Variants in FAM110B observed in about 807,000 individuals in gnomAD.
FAM110B encodes the protein protein FAM110B.
In FAM110B, 6 loss-of-function variants were observed where a neutral mutation model predicts 20.4. The ratio of observed to expected loss-of-function variants is 0.29; its 90% CI spans 0.16 to 0.58. The LOEUF is 0.58. FAM110B is among the 20% of genes least tolerant of loss of function. The pLI is 0.90. For synonymous variants in FAM110B, 226 were observed against 214.1 expected, an observed-to-expected ratio of 1.06 and a Z score of -0.49; for missense variants, 434 against 498.2, an observed-to-expected ratio of 0.87 and a Z score of 1.23.
At chr8:58,078,764 A>T (rs1806105459) in intron 3 of FAM110B, among the ~76,000 whole-genome samples, 1 of 151,704 alleles carries the variant, frequency 6.6e-6, no homozygotes, top group African/African-American at 2.4e-5. Context: ...GTTAGCCAGG[A>T]TGGTCTGGAT....
At chr8:58,025,379 A>G (rs1429267226) in intron 1 of FAM110B, among the ~76,000 whole-genome samples, 3 of 152,142 alleles carry the variant, frequency 2.0e-5, no homozygotes, top group African/African-American at 2.4e-5. Context: ...GTGGGAAGGC[A>G]AGAAGAAGCA....
rs971599123 is a variant in FAM110B, at chr8:58,107,587, C to A, written c.-325+31964C>A. Among the ~76,000 whole-genome samples, 41 of 152,170 alleles carry A rather than the reference C, an allele frequency of 2.7e-4. 1 individual carries two copies. ...ATAATTGAAACTGTCTTGTGTCATT[C>A]AACCCTGTAATAAGTACCTATAGTT... On this transcript the variant is annotated intron_variant, in intron 3 of 3. Coordinates refer to ENST00000519262, the MANE Select transcript of FAM110B (RefSeq NM_001377989.1).
chr8:58,067,235 G>T (rs1805790782), intron 2 of FAM110B, among the ~76,000 whole-genome samples: 1 of 152,196 alleles, frequency 6.6e-6, no homozygotes, highest in Non-Finnish European at 1.5e-5. Flanking sequence ...GGAAATCCAT[G>T]CAATGAGGCA....
intron 2 of FAM110B, among the ~76,000 whole-genome samples, chr8:58,042,610 C>T (rs1271978473): frequency 6.6e-6 from 1 of 152,162 alleles, no homozygotes; most frequent in African/African-American, 2.4e-5. Flanking sequence ...AATGTGTGCA[C>T]CATCATGTGC....
At chr8:58,041,736 G>A (rs1272335583) in intron 2 of FAM110B, among the ~76,000 whole-genome samples, 3 of 152,160 alleles carry the variant, frequency 2.0e-5, no homozygotes, top group Admixed American at 2.0e-4. Flanking sequence ...GGAAGAATAG[G>A]GGTCATCAGC....
chr8:58,000,237 T>C (rs936261459), intron 1 of FAM110B, among the ~76,000 whole-genome samples: 5 of 151,638 alleles, frequency 3.3e-5, no homozygotes, highest in Non-Finnish European at 5.9e-5. Flanking sequence ...CACAGCGGAG[T>C]TGGGGTTGGG....
rs138355228 is a variant in FAM110B at position 58,123,918 on chromosome 8, G to A, written c.-324-21989G>A. Among the ~76,000 whole-genome samples the A allele has an allele frequency of 1.2e-4, 19 of 152,304 alleles. No individual in the cohort carries two copies. In the East Asian group the frequency reaches 2.5e-3, roughly 20 times the overall value. On this transcript the variant is annotated intron_variant, in intron 3 of 3. Coordinates refer to ENST00000519262, the MANE Select transcript of FAM110B (RefSeq NM_001377989.1). The stretch of plus-strand genomic sequence containing the variant: ...GTGTTTGTGACAGGGATTTGATTTT[G>A]TTCTATTTATATAGAATATGTGTTT...
chr8:58,082,091 A>G (rs1253327243), intron 3 of FAM110B, among the ~76,000 whole-genome samples: 2 of 152,216 alleles, frequency 1.3e-5, no homozygotes, highest in Non-Finnish European at 2.9e-5. Context: ...CACATGGGCT[A>G]GGGTTGAAAT....
chr8:58,044,684 G>A (rs1004928291), intron 2 of FAM110B, among the ~76,000 whole-genome samples: 2 of 152,034 alleles, frequency 1.3e-5, no homozygotes, highest in Admixed American at 6.5e-5. Context: ...AATAGAATCA[G>A]AAAATAAAAA....
At chr8:58,133,205 G>GTTTTTT (rs59489059) in intron 3 of FAM110B, among the ~76,000 whole-genome samples, 7 of 140,152 alleles carry the variant, frequency 5.0e-5, no homozygotes, top group Non-Finnish European at 6.3e-5. Flanking sequence ...GCTCGATTTT[G>GTTTTTT]TTTTTTTTTT....
intron 3 of FAM110B, among the ~76,000 whole-genome samples, chr8:58,125,483 G>A (rs1003776698): frequency 6.6e-6 from 1 of 152,008 alleles, no homozygotes; most frequent in Non-Finnish European, 1.5e-5. Flanking sequence ...GTGCTTTATT[G>A]CCTTCAGTAC....
chr8:58,060,556 C>T (rs1268012557), intron 2 of FAM110B, among the ~76,000 whole-genome samples: 1 of 152,108 alleles, frequency 6.6e-6, no homozygotes, highest in Non-Finnish European at 1.5e-5. Flanking sequence ...TATTATTTTT[C>T]TTGGTTGCCA....
At chr8:58,019,397 AAG>A (rs1361118637) in intron 1 of FAM110B, among the ~76,000 whole-genome samples, 2 of 151,500 alleles carry the variant, frequency 1.3e-5, no homozygotes, top group African/African-American at 4.8e-5. Context: ...AGAAAGAAAA[AAG>A]AAAAAATATT....
rs553236164 is a variant in FAM110B, at chr8:58,043,915, G to C, written c.-414+12212G>C. 1.1e-4 allele frequency among the ~76,000 whole-genome samples: 16 copies of C among 152,312 alleles called. No homozygotes were observed. The South Asian group carries it at 2.5e-3, about 24-fold the overall frequency. ...TGAAGCAGGTACTTGCATCCAATCA[G>C]ACTGATTCTAGAATTCCCTTCTCTT... On this transcript the variant is annotated intron_variant, in intron 2 of 3. Transcript: ENST00000519262.
chr8:58,128,760 T>C (rs1240507037), intron 3 of FAM110B, among the ~76,000 whole-genome samples: 1 of 152,202 alleles, frequency 6.6e-6, no homozygotes, highest in Non-Finnish European at 1.5e-5. Flanking sequence ...TTGAAAAAGC[T>C]GGCATTGAAA....
At chr8:58,088,368 A>C (rs1242254868) in intron 3 of FAM110B, among the ~76,000 whole-genome samples, 1 of 152,190 alleles carries the variant, frequency 6.6e-6, no homozygotes, top group East Asian at 1.9e-4. Context: ...ATGACGCTTC[A>C]AGTCATATAT....
chr8:58,016,277 G>A (rs1804634456), intron 1 of FAM110B, among the ~76,000 whole-genome samples: 1 of 152,220 alleles, frequency 6.6e-6, no homozygotes, highest in African/African-American at 2.4e-5. Context: ...AACAAATGAC[G>A]CCAAAACTTA....
intron 3 of FAM110B, among the ~76,000 whole-genome samples, chr8:58,084,571 G>A (rs192511051): frequency 1.1e-3 from 162 of 152,154 alleles, no homozygotes; most frequent in Admixed American, 1.8e-3. Context: ...TGTATTTTTA[G>A]TAGAGACAGG....
intron 3 of FAM110B, among the ~76,000 whole-genome samples, chr8:58,140,040 A>G (rs1563383803): frequency 6.6e-6 from 1 of 152,228 alleles, no homozygotes; most frequent in Admixed American, 6.5e-5. Flanking sequence ...AGGAATGGAC[A>G]CAGTGGGTGT....
Sources: allele counts gnomAD v4.1 joint callset (sites outside exome capture counted in the v4.1 genomes callset), GRCh38; gene constraint gnomAD v4.1.1; transcripts MANE v1.5; gene names NCBI Gene and HGNC (gene_info 2026-07-23, HGNC 2026-07-21).